The following ZNF254 variants were observed in gnomAD, a reference collection of about 807,000 sequenced individuals.
ZNF254 encodes the protein CTD-2017D11.1.
Under a neutral mutation model 12.4 loss-of-function variants are expected in ZNF254, and 10 were observed. The observed-to-expected ratio is 0.80, with a 90% CI of 0.50 to 1.36. The LOEUF (loss-of-function observed/expected upper bound fraction) is 1.36. ZNF254 is among the 40% of genes most tolerant of loss of function. The pLI is 0.00. For synonymous variants in ZNF254, 305 were observed against 253.4 expected, an observed-to-expected ratio of 1.20 and a Z score of -1.93; for missense variants, 996 against 763.9, an observed-to-expected ratio of 1.30 and a Z score of -3.58.
Position 24,127,952 on chromosome 19 carries a change from C to T in ZNF254, c.1952C>T (p.Thr651Ile), listed in dbSNP as rs748798699. 6.4e-7 allele frequency: 1 copy of T among 1,567,544 alleles called. No homozygotes were observed. The highest frequency in any genetic ancestry group is 1.4e-5 in the African/African-American group (1 of 72,946). The change falls in exon 4 of 4, where the codon ACT becomes ATT. Residue 651 changes from threonine to isoleucine, a missense_variant. Physicochemically the swap from Thr to Ile is moderately conservative, Grantham distance 89. Coordinates refer to ENST00000357002, the MANE Select transcript of ZNF254 (RefSeq NM_203282.4). ...TCGCACCTCACCACAGATAAGATAA[C>T]TCATTGGAGAGAAATCTTACAAGTA... ...RSSHLTTDKI[T>I]HWREILQV
chr19:24,066,974 G>GTGT lies in ZNF254; in HGVS notation c.-94+20697_-94+20699dup, dbSNP rs1471253336. 2.0e-5 allele frequency: 3 copies of GTGT among 152,050 alleles called. No homozygotes were observed. In the East Asian group the frequency reaches 5.8e-4, roughly 29 times the overall value. The allele number at this position is 152,050 out of a possible 1,614,324, so 9.4% of individuals were successfully genotyped here. On this transcript the variant is annotated intron_variant, in intron 2 of 4. Transcript: ENST00000613065. ...ATCCTACAGGTGATGTGACTCTCTT[G>GTGT]TGTTACCTGGTCTCTGCCCCCAGGA...
chr19:24,106,774 T>A (rs965251483), intron 3 of ZNF254, 131 bp downstream of exon 3: 26 of 675,626 alleles, frequency 3.8e-5, no homozygotes, highest in East Asian at 7.4e-5. Flanking sequence ...ATTTTTTTTT[T>A]AAATTATACT....
Position 24,049,214 on chromosome 19 carries a change from A to ATATATT in ZNF254, c.-94+2936_-94+2937insATATTT, listed in dbSNP as rs1160333151. Among the ~76,000 whole-genome samples the ATATATT allele has an allele frequency of 4.9e-3, 199 of 40,628 alleles. 2 individuals are homozygous for ATATATT. Among genetic ancestry groups the ATATATT allele is most frequent in the Admixed American group, 0.029 (75 of 2,592 alleles). 26.7% of individuals were successfully genotyped at this position (40,628 alleles called of 152,430 possible). A position where few individuals can be genotyped will look rare whatever the true frequency, so the allele number is the denominator to read the frequency against. On this transcript the variant is annotated intron_variant, in intron 2 of 4. Coordinates refer to the ZNF254 transcript ENST00000613065. Reference sequence around the variant, plus strand: ...TATATATATATATATATATATATATATTTTTTTTTTTTTTTTAATTTATTT... The same window carrying ATATATT: ...TATATATATATATATATATATATATATATATTTTTTTTTTTTTTTTTTAATTTATTT...
chr19:24,109,474 A>G (rs1973532756), intron 3 of ZNF254, among the ~76,000 whole-genome samples: 1 of 152,108 alleles, frequency 6.6e-6, no homozygotes, highest in African/African-American at 2.4e-5. Flanking sequence ...AGGTTTCTTA[A>G]TATCAGTTTA....
chr19:24,046,089 T>G (rs1464346664), intron 1 of ZNF254: 1 of 152,080 alleles, frequency 6.6e-6, no homozygotes, highest in Non-Finnish European at 1.5e-5. Context: ...TTTAAAAATC[T>G]TATATAATGT....
chr19:24,073,102 T>C (rs1971537963), intron 2 of ZNF254, among the ~76,000 whole-genome samples: 1 of 152,226 alleles, frequency 6.6e-6, no homozygotes. Context: ...ATAAAGTCTT[T>C]GGATGGTACA....
At chr19:24,095,272 T>C (rs576801289) in intron 1 of ZNF254, among the ~76,000 whole-genome samples, 8 of 152,358 alleles carry the variant, frequency 5.3e-5, no homozygotes, top group African/African-American at 1.9e-4. Flanking sequence ...TTTGATATGC[T>C]GCTGGATTTG....
At chr19:24,039,815 A>G (rs1970092684) in intron 1 of ZNF254, among the ~76,000 whole-genome samples, 1 of 152,194 alleles carries the variant, frequency 6.6e-6, no homozygotes, top group Non-Finnish European at 1.5e-5. Flanking sequence ...CACTGCTCTT[A>G]TGTTGTTGTG....
At position 24,053,913 on chromosome 19, in the gene ZNF254, A is replaced by C. The variant is rs971488434; in HGVS notation, c.-94+7634A>C. On this transcript the variant is annotated intron_variant, in intron 2 of 4. Coordinates refer to the ZNF254 transcript ENST00000613065. ...GGCCTCAAATATTTTGGATATTGTA[A>C]AATATTGCTAGGCCCACTACCTATG... Among the ~76,000 whole-genome samples the C allele has an allele frequency of 2.6e-5, 4 of 152,230 alleles. No individual in the cohort carries two copies. The East Asian group carries it at 7.7e-4, about 29-fold the overall frequency.
upstream of ZNF254, chr19:24,087,039 T>G (rs931875291): frequency 4.7e-6 from 2 of 422,076 alleles, no homozygotes; most frequent in African/African-American, 4.1e-5. Flanking sequence ...TCACTCTTTC[T>G]TCAGCCTAGG....
At chr19:24,041,354 G>C (rs1275136002) in intron 1 of ZNF254, among the ~76,000 whole-genome samples, 1 of 152,242 alleles carries the variant, frequency 6.6e-6, no homozygotes, top group African/African-American at 2.4e-5. Context: ...TGCGGCGCTT[G>C]CGGGCCAGCT....
At chr19:24,117,049 C>T (rs1029954098) in intron 3 of ZNF254, among the ~76,000 whole-genome samples, 1 of 152,148 alleles carries the variant, frequency 6.6e-6, no homozygotes, top group Non-Finnish European at 1.5e-5. Context: ...GATCATTCTT[C>T]TGGAAGTTTT....
At chr19:24,034,815 C>T (rs1398411933) in intron 1 of ZNF254, among the ~76,000 whole-genome samples, 8 of 150,608 alleles carry the variant, frequency 5.3e-5, no homozygotes, top group African/African-American at 1.7e-4. Flanking sequence ...ACGGAGTTGC[C>T]CTCAGTCGCC....
chr19:24,088,998 CAG>C (rs1013447881), intron 1 of ZNF254, among the ~76,000 whole-genome samples: 7 of 99,398 alleles, frequency 7.0e-5, no homozygotes, highest in African/African-American at 2.8e-4. Flanking sequence ...TTTTTTGAGA[CAG>C]AGTTTCACTC....
intron 2 of ZNF254, among the ~76,000 whole-genome samples, chr19:24,061,470 GGTT>G (rs1433460815): frequency 2.0e-5 from 3 of 152,204 alleles, no homozygotes; most frequent in African/African-American, 7.2e-5. Flanking sequence ...CCACAGGAAA[GGTT>G]GTAACACACT....
At chr19:24,104,826 T>C (rs1973238494) in intron 1 of ZNF254, 1 of 152,194 alleles carries the variant, frequency 6.6e-6, no homozygotes, top group Non-Finnish European at 1.5e-5. Flanking sequence ...CTGTGTTCTT[T>C]ATTATCTGTA....
intron 1 of ZNF254, among the ~76,000 whole-genome samples, chr19:24,038,868 G>A (rs1414140800): frequency 3.3e-5 from 5 of 152,158 alleles, no homozygotes; most frequent in Admixed American, 1.3e-4. Context: ...CTTCAGATGC[G>A]AAATTCTTTC....
chr19:24,075,455 CAT>C (rs913692037), intron 2 of ZNF254, among the ~76,000 whole-genome samples: 1 of 152,162 alleles, frequency 6.6e-6, no homozygotes, highest in African/African-American at 2.4e-5. Flanking sequence ...GGTGACATCA[CAT>C]GTCAGCAGGT....
chr19:24,123,855 C>G (rs1974650496), intron 3 of ZNF254, among the ~76,000 whole-genome samples: 1 of 151,912 alleles, frequency 6.6e-6, no homozygotes, highest in Non-Finnish European at 1.5e-5. Context: ...CTCTTCCAGT[C>G]TTTTTTTATC....
Sources: allele counts gnomAD v4.1 joint callset (sites outside exome capture counted in the v4.1 genomes callset), GRCh38; gene constraint gnomAD v4.1.1; transcripts MANE v1.5; gene names NCBI Gene and HGNC (gene_info 2026-07-23, HGNC 2026-07-21).